The following BCAS3 variants were observed in gnomAD, a reference collection of about 807,000 sequenced individuals.
The protein encoded by BCAS3 is BCAS4/BCAS3 fusion.
BCAS3 carries 53 observed loss-of-function variants against 116.1 expected under a neutral mutation model. The observed-to-expected ratio is 0.46, with a 90% CI of 0.37 to 0.57. BCAS3 has a LOEUF of 0.57. Ranked by LOEUF, BCAS3 falls within the 20% of genes least tolerant of loss-of-function variation. The pLI, the probability that BCAS3 is intolerant of heterozygous loss-of-function variation, is 0.00. For synonymous variants in BCAS3, 391 were observed against 408.2 expected (o/e 0.96, Z 0.51); for missense variants, 917 against 1,165.4 (o/e 0.79, Z 3.10).
intron 22 of BCAS3, among the ~76,000 whole-genome samples, chr17:61,142,736 G>C (rs1473385436): frequency 6.6e-6 from 1 of 152,186 alleles, no homozygotes. Context: ...TAATAGAGGA[G>C]GAGGGAAGTG....
intron 6 of BCAS3, 105 bp from the exon 7 acceptor site, chr17:60,807,899 A>T (rs1437113466): frequency 2.6e-6 from 2 of 756,982 alleles, no homozygotes; most frequent in Non-Finnish European, 4.3e-6. Context: ...ATGTCAACTT[A>T]TAATGAATAC....
chr17:60,895,693 C>T (rs867250933), intron 10 of BCAS3, among the ~76,000 whole-genome samples: 32 of 152,088 alleles, frequency 2.1e-4, no homozygotes, highest in Admixed American at 2.6e-4. Context: ...TGTAAACTTC[C>T]GTCAGCACAC....
At chr17:60,780,775 CT>C (rs1403903335) in intron 6 of BCAS3, among the ~76,000 whole-genome samples, 17 of 152,270 alleles carry the variant, frequency 1.1e-4, no homozygotes, top group Non-Finnish European at 2.2e-4. Context: ...AGCTTTCTTC[CT>C]TCTAATTTCC....
intron 22 of BCAS3, among the ~76,000 whole-genome samples, chr17:61,169,473 A>G (rs552918708): frequency 3.9e-5 from 6 of 152,236 alleles, no homozygotes; most frequent in Non-Finnish European, 7.4e-5. Context: ...GGGTTTTGCT[A>G]TGTTGACCAG....
intron 5 of BCAS3, among the ~76,000 whole-genome samples, chr17:60,740,266 G>A (rs1190035834): frequency 6.6e-6 from 1 of 151,924 alleles, no homozygotes; most frequent in African/African-American, 2.4e-5. Flanking sequence ...AGAGTGAGGC[G>A]GGTGGATCAC....
chr17:61,006,882 G>C (rs865831644), intron 15 of BCAS3, among the ~76,000 whole-genome samples: 2 of 151,888 alleles, frequency 1.3e-5, no homozygotes, highest in Admixed American at 6.6e-5. Flanking sequence ...TCTTTTTACT[G>C]TTATATTTGA....
At chr17:61,080,430 C>G (rs941437960) in intron 21 of BCAS3, among the ~76,000 whole-genome samples, 6 of 151,988 alleles carry the variant, frequency 3.9e-5, no homozygotes, top group Non-Finnish European at 8.8e-5. Context: ...TTTTGCTTTC[C>G]CCTGACTGAT....
intron 22 of BCAS3, among the ~76,000 whole-genome samples, chr17:61,238,099 C>G (rs2144486694): frequency 6.6e-6 from 1 of 152,292 alleles, no homozygotes; most frequent in Non-Finnish European, 1.5e-5. Flanking sequence ...GTCGCCCAGG[C>G]TGGAGTACAG....
intron 7 of BCAS3, among the ~76,000 whole-genome samples, chr17:60,849,642 G>C (rs2052885811): frequency 6.6e-6 from 1 of 152,120 alleles, no homozygotes; most frequent in Non-Finnish European, 1.5e-5. Context: ...CCTAGTACTG[G>C]TTTTTAACAA....
Position 61,261,566 on chromosome 17 carries a change from G to C in BCAS3, c.2426-106761G>C, listed in dbSNP as rs868128716. On this transcript the variant is annotated intron_variant, in intron 22 of 23. Coordinates refer to ENST00000407086, the MANE Select transcript of BCAS3 (RefSeq NM_017679.5). The surrounding 1 kb of genome is among the most constrained non-coding windows in gnomAD (Gnocchi z 4.4). Reference sequence around the variant, plus strand: ...AAAAAGAGCTGTTTATTTCTTTTCCGCATGTTTTCCCCCTAGTTTCAAAAG... The same window carrying C: ...AAAAAGAGCTGTTTATTTCTTTTCCCCATGTTTTCCCCCTAGTTTCAAAAG... Among the ~76,000 whole-genome samples, 3 of 151,968 alleles carry C rather than the reference G, an allele frequency of 2.0e-5. No individual in the cohort carries two copies. The highest frequency in any genetic ancestry group is 3.2e-3 in the Middle Eastern group (1 of 316).
intron 7 of BCAS3, among the ~76,000 whole-genome samples, chr17:60,867,594 C>G (rs2144882926): frequency 6.6e-6 from 1 of 152,178 alleles, no homozygotes; most frequent in East Asian, 1.9e-4. Context: ...AAACTTTTAT[C>G]TAGAGACCTT....
chr17:61,279,665 A>G lies in BCAS3; in HGVS notation c.2426-88662A>G, dbSNP rs1464413570. On this transcript the variant is annotated intron_variant, in intron 22 of 23. Coordinates refer to ENST00000407086, the MANE Select transcript of BCAS3 (RefSeq NM_017679.5). This position sits in a 1 kb window ranked among gnomAD's most constrained non-coding sequence, Gnocchi z 4.4. ...ACATTCAGTCTTAATCCCTTGGAGG[A>G]CACAGAGTTGTTCAGTCCATCCTGG... Among the ~76,000 whole-genome samples, 1 of 152,086 alleles carries G rather than the reference A, an allele frequency of 6.6e-6. No homozygotes were observed. The highest frequency in any genetic ancestry group is 1.5e-5 in the Non-Finnish European group (1 of 68,026).
At chr17:61,231,885 AAAG>A (rs1192913388) in intron 22 of BCAS3, among the ~76,000 whole-genome samples, 17 of 148,164 alleles carry the variant, frequency 1.1e-4, no homozygotes, top group African/African-American at 3.1e-4. Flanking sequence ...AAAAAAAAAA[AAAG>A]AAAGAGAAAG....
chr17:60,957,797 C>G (rs981603554), intron 14 of BCAS3, among the ~76,000 whole-genome samples: 3 of 152,074 alleles, frequency 2.0e-5, no homozygotes, highest in Non-Finnish European at 4.4e-5. Flanking sequence ...GGGCCAATAC[C>G]GATTTCAGAG....
chr17:61,361,005 TG>T lies in BCAS3; in HGVS notation c.2426-7320del, dbSNP rs1166767405. Reference sequence around the variant, plus strand: ...TTATCTGGTTTGTAGAAAATGAAATTGGTAGCTTTTACCCTAGGATACCTCA... The same window carrying T: ...TTATCTGGTTTGTAGAAAATGAAATTGTAGCTTTTACCCTAGGATACCTCA... On this transcript the variant is annotated intron_variant, in intron 22 of 23. Transcript: ENST00000407086. This position sits in a 1 kb window ranked among gnomAD's most constrained non-coding sequence, Gnocchi z 6.5. 6.6e-6 allele frequency among the ~76,000 whole-genome samples: 1 copy of T among 152,152 alleles called. No homozygotes were observed. The highest frequency in any genetic ancestry group is 1.5e-5 in the Non-Finnish European group (1 of 68,026).
chr17:61,104,439 G>T lies in BCAS3; in HGVS notation c.2425+19875G>T, dbSNP rs2074515984. 6.6e-6 allele frequency among the ~76,000 whole-genome samples: 1 copy of T among 152,194 alleles called. No homozygotes were observed. Among genetic ancestry groups the T allele is most frequent in the African/African-American group, 2.4e-5 (1 of 41,446 alleles). On this transcript the variant is annotated intron_variant, in intron 22 of 23. Coordinates refer to ENST00000407086, the MANE Select transcript of BCAS3 (RefSeq NM_017679.5). The surrounding 1 kb of genome is among the most constrained non-coding windows in gnomAD (Gnocchi z 4.1). ...GGAAATACCACAGGATGGCTTTAAA[G>T]TGTTTGTTTCACTGTGGCACATAGG... is the stretch of plus-strand genomic sequence containing the variant.
chr17:60,697,849 G>A lies in BCAS3; in HGVS notation c.214+8088G>A, dbSNP rs543535112. Among the ~76,000 whole-genome samples the A allele has an allele frequency of 2.0e-5, 3 of 152,116 alleles. No individual in the cohort carries two copies. In the East Asian group the frequency reaches 5.8e-4, roughly 29 times the overall value. On this transcript the variant is annotated intron_variant, in intron 4 of 23. Coordinates refer to ENST00000407086, the MANE Select transcript of BCAS3 (RefSeq NM_017679.5). Reference sequence around the variant, plus strand: ...ATGTCTCTATAGGAAAGACCGTAAAGTTCAGATTTAGAGGTAGAATAAGAA... The same window carrying A: ...ATGTCTCTATAGGAAAGACCGTAAAATTCAGATTTAGAGGTAGAATAAGAA...
intron 19 of BCAS3, among the ~76,000 whole-genome samples, chr17:61,067,925 G>A (rs1300879350): frequency 6.6e-6 from 1 of 152,016 alleles, no homozygotes; most frequent in South Asian, 2.1e-4. Flanking sequence ...GCCTTTGCTC[G>A]TTGATGTATA....
At chr17:60,788,211 T>C (rs1426911062) in intron 6 of BCAS3, among the ~76,000 whole-genome samples, 1 of 152,180 alleles carries the variant, frequency 6.6e-6, no homozygotes, top group Non-Finnish European at 1.5e-5. Flanking sequence ...TTTTTGACAG[T>C]AGCTTTTTCA....
Sources: allele counts gnomAD v4.1 joint callset (sites outside exome capture counted in the v4.1 genomes callset), GRCh38; gene constraint gnomAD v4.1.1; non-coding constraint Gnocchi (gnomAD v3.1); transcripts MANE v1.5; gene names NCBI Gene and HGNC (gene_info 2026-07-23, HGNC 2026-07-21).